The following TMEM74 variants were observed in gnomAD, a reference collection of about 807,000 sequenced individuals.
TMEM74 encodes transmembrane protein 74.
TMEM74 carries 13 observed loss-of-function variants against 18.1 expected under a neutral mutation model. The ratio of observed to expected loss-of-function variants is 0.72; its 90% CI spans 0.47 to 1.14. TMEM74 has a LOEUF of 1.14. Among genes scored for constraint, TMEM74 ranks in the 50% most tolerant of loss-of-function variants. TMEM74 has a pLI of 0.00. For synonymous variants in TMEM74, 159 were observed against 146.6 expected, an observed-to-expected ratio of 1.08 and a Z score of -0.61; for missense variants, 372 against 375.9, an observed-to-expected ratio of 0.99 and a Z score of 0.09.
intron 1 of TMEM74, among the ~76,000 whole-genome samples, chr8:108,667,283 A>G (rs1184359244): frequency 6.6e-6 from 1 of 152,180 alleles, no homozygotes; most frequent in Non-Finnish European, 1.5e-5. Context: ...GGGAAGCAGA[A>G]AAAATGAACA....
chr8:108,611,652 C>A (rs1338875301), intron 2 of TMEM74, among the ~76,000 whole-genome samples: 1 of 152,288 alleles, frequency 6.6e-6, no homozygotes, highest in Non-Finnish European at 1.5e-5. Flanking sequence ...ATTTTTAATT[C>A]TTCCTCAGCA....
In TMEM74 at chr8:108,694,103, A is replaced by G. The variant is rs564297907; in HGVS notation, n.120-38666T>C. ...TGAAGTCAGGGCTTTTAGCTTATCC[A>G]TCACCTGAACAATATACATTGCACT... On this transcript the variant is annotated intron_variant and non_coding_transcript_variant, in intron 1 of 3. Coordinates refer to the TMEM74 transcript ENST00000518838. Among the ~76,000 whole-genome samples the G allele has an allele frequency of 3.9e-5, 6 of 152,354 alleles. No homozygotes were observed. In the South Asian group the frequency reaches 1.2e-3, roughly 32 times the overall value.
At chr8:108,697,625 C>CAA (rs1813293409) in intron 1 of TMEM74, among the ~76,000 whole-genome samples, 1 of 152,044 alleles carries the variant, frequency 6.6e-6, no homozygotes, top group Non-Finnish European at 1.5e-5. Flanking sequence ...TTATGTTGTC[C>CAA]AGGCTGGTCT....
At chr8:108,640,352 G>A (rs1446157634) in intron 2 of TMEM74, among the ~76,000 whole-genome samples, 1 of 151,772 alleles carries the variant, frequency 6.6e-6, no homozygotes, top group Non-Finnish European at 1.5e-5. Context: ...GACCTCAAGT[G>A]ACCTGCCTGC....
At chr8:108,726,252 G>A (rs771743373) in intron 1 of TMEM74, among the ~76,000 whole-genome samples, 3 of 152,130 alleles carry the variant, frequency 2.0e-5, no homozygotes, top group African/African-American at 4.8e-5. Flanking sequence ...TTGAAAGCAG[G>A]AGGAAAGCAT....
At chr8:108,751,091 T>G (rs1479097386) in intron 1 of TMEM74, among the ~76,000 whole-genome samples, 3 of 152,152 alleles carry the variant, frequency 2.0e-5, no homozygotes, top group African/African-American at 7.2e-5. Context: ...GTTCATGGAC[T>G]TTAGAGTCTA....
chr8:108,744,015 A>C (rs545441471), intron 1 of TMEM74, among the ~76,000 whole-genome samples: 11 of 142,284 alleles, frequency 7.7e-5, no homozygotes, highest in African/African-American at 2.8e-4. Context: ...GCAAGAGAAT[A>C]AAAGAAGGAG....
intron 2 of TMEM74, among the ~76,000 whole-genome samples, chr8:108,630,272 G>A (rs779156494): frequency 6.6e-5 from 10 of 151,974 alleles, no homozygotes; most frequent in Non-Finnish European, 1.3e-4. Flanking sequence ...GCAACTAGAA[G>A]ATCTAACTAT....
At chr8:108,646,498 T>A (rs1356023106) in intron 2 of TMEM74, among the ~76,000 whole-genome samples, 2 of 152,166 alleles carry the variant, frequency 1.3e-5, no homozygotes. Flanking sequence ...GTAGCCAATT[T>A]GCATGGGTGA....
intron 1 of TMEM74, among the ~76,000 whole-genome samples, chr8:108,660,758 C>T (rs1023678853): frequency 6.6e-6 from 1 of 152,008 alleles, no homozygotes; most frequent in Non-Finnish European, 1.5e-5. Context: ...AACAGTTAGC[C>T]GTAATATCCC....
intron 1 of TMEM74, among the ~76,000 whole-genome samples, chr8:108,674,060 G>A (rs1470118859): frequency 6.6e-6 from 1 of 152,138 alleles, no homozygotes; most frequent in Non-Finnish European, 1.5e-5. Flanking sequence ...GCTAAATACT[G>A]ATGCCTGGAG....
At chr8:108,722,454 A>T (rs775326066) in intron 1 of TMEM74, among the ~76,000 whole-genome samples, 2 of 152,202 alleles carry the variant, frequency 1.3e-5, no homozygotes, top group Non-Finnish European at 2.9e-5. Context: ...AAACTTTGCC[A>T]CCAAAAACTC....
chr8:108,739,222 T>C (rs2130644704), intron 1 of TMEM74, among the ~76,000 whole-genome samples: 1 of 152,328 alleles, frequency 6.6e-6, no homozygotes, highest in Admixed American at 6.5e-5. Context: ...CAATCCTTAA[T>C]TAATTCAGAA....
intron 1 of TMEM74, among the ~76,000 whole-genome samples, chr8:108,698,435 C>T (rs1012742521): frequency 6.6e-6 from 1 of 152,200 alleles, no homozygotes; most frequent in Non-Finnish European, 1.5e-5. Context: ...ACAGTTTCCT[C>T]AGCTGTAGAA....
At chr8:108,639,784 T>C (rs1470957591) in intron 2 of TMEM74, among the ~76,000 whole-genome samples, 1 of 152,142 alleles carries the variant, frequency 6.6e-6, no homozygotes, top group Non-Finnish European at 1.5e-5. Context: ...TACAGGAAAT[T>C]TCCGAAGTTT....
At chr8:108,637,139 T>C (rs1199833558) in intron 2 of TMEM74, among the ~76,000 whole-genome samples, 1 of 152,156 alleles carries the variant, frequency 6.6e-6, no homozygotes, top group Non-Finnish European at 1.5e-5. Flanking sequence ...ATTTGAGGGT[T>C]AGTCTATATT....
At chr8:108,635,372 G>C (rs531003180) in intron 2 of TMEM74, among the ~76,000 whole-genome samples, 8 of 151,502 alleles carry the variant, frequency 5.3e-5, no homozygotes, top group Non-Finnish European at 1.2e-4. Flanking sequence ...TTCTTCCTCC[G>C]ATCCTTTCTG....
At chr8:108,655,374 T>A (rs1216412886) in exon 2 of TMEM74, 2 of 151,980 alleles carry the variant, frequency 1.3e-5, no homozygotes, top group Non-Finnish European at 2.9e-5. Context: ...GGAGGCCAGG[T>A]TTGGAGAATA....
At chr8:108,669,649 C>T (rs1362814128) in intron 1 of TMEM74, among the ~76,000 whole-genome samples, 1 of 70,032 alleles carries the variant, frequency 1.4e-5, no homozygotes, top group Non-Finnish European at 2.6e-5. Context: ...AGTTTATATA[C>T]TTGACTATTT....
Sources: gnomAD v4.1 joint callset for allele counts (sites outside exome capture counted in the v4.1 genomes callset) on GRCh38, gnomAD v4.1.1 for gene constraint, MANE v1.5 for transcripts, NCBI Gene and HGNC (gene_info 2026-07-23, HGNC 2026-07-21) for gene names.